The following PDE4D variants were observed in gnomAD, a reference collection of about 807,000 sequenced individuals.
The protein encoded by PDE4D is 3',5'-cyclic-AMP phosphodiesterase 4D.
PDE4D carries 24 observed loss-of-function variants against 87.4 expected under a neutral mutation model. That is an observed-to-expected ratio of 0.27 (90% CI 0.20 to 0.39). The LOEUF (loss-of-function observed/expected upper bound fraction) is 0.39, where lower values mean the gene tolerates loss of function less well. Among genes scored for constraint, PDE4D ranks in the 10% least tolerant of loss-of-function variants. The pLI, the probability that PDE4D is intolerant of heterozygous loss-of-function variation, is 1.00. For synonymous variants in PDE4D, 384 were observed against 383.2 expected (o/e 1.00, Z -0.02); for missense variants, 714 against 1,041.0 (o/e 0.69, Z 4.32).
At chr5:59,716,944 C>T (rs1444686925) in intron 1 of PDE4D, among the ~76,000 whole-genome samples, 1 of 152,180 alleles carries the variant, frequency 6.6e-6, no homozygotes. Context: ...CTTGTTTTTG[C>T]ATCAGTTTTC....
At chr5:60,217,403 T>C (rs938103736) in intron 1 of PDE4D, among the ~76,000 whole-genome samples, 1 of 152,040 alleles carries the variant, frequency 6.6e-6, no homozygotes, top group East Asian at 1.9e-4. Flanking sequence ...ATGGCCAAGA[T>C]GGTAAATTTT....
At chr5:59,301,679 G>C (rs909654079) in intron 1 of PDE4D, among the ~76,000 whole-genome samples, 1 of 151,998 alleles carries the variant, frequency 6.6e-6, no homozygotes, top group South Asian at 2.1e-4. Context: ...AGGGAAAGTG[G>C]GGGAGAGAGA....
chr5:59,949,430 C>T (rs573049778), intron 3 of PDE4D, among the ~76,000 whole-genome samples: 3 of 115,978 alleles, frequency 2.6e-5, no homozygotes, highest in East Asian at 4.5e-4. Context: ...AAGACTCCGT[C>T]TCACAAAAAA....
At chr5:60,086,100 CCA>C (rs1300837988) in intron 2 of PDE4D, among the ~76,000 whole-genome samples, 2 of 152,100 alleles carry the variant, frequency 1.3e-5, no homozygotes, top group African/African-American at 4.8e-5. Context: ...GCCAAAAATA[CCA>C]CACACTGAAT....
chr5:60,449,697 C>T (rs946818672), intron 1 of PDE4D, among the ~76,000 whole-genome samples: 19 of 150,140 alleles, frequency 1.3e-4, no homozygotes, highest in Non-Finnish European at 2.7e-4. Context: ...TAGGGATAAG[C>T]TCTTGCTATA....
At chr5:59,310,430 C>T (rs1772349001) in intron 1 of PDE4D, among the ~76,000 whole-genome samples, 1 of 152,314 alleles carries the variant, frequency 6.6e-6, no homozygotes, top group African/African-American at 2.4e-5. Flanking sequence ...TCCTGCTACA[C>T]ATTGAGACCA....
intron 5 of PDE4D, among the ~76,000 whole-genome samples, chr5:59,105,922 G>T (rs1227170311): frequency 1.3e-5 from 2 of 152,144 alleles, no homozygotes; most frequent in African/African-American, 4.8e-5. Context: ...GTAATACCTA[G>T]AAATAAAATG....
At chr5:59,277,939 C>T (rs187330463) in intron 1 of PDE4D, among the ~76,000 whole-genome samples, 1 of 152,182 alleles carries the variant, frequency 6.6e-6, no homozygotes, top group Non-Finnish European at 1.5e-5. Context: ...ACTAAGAAAT[C>T]GTCCCTCTCC....
At chr5:60,251,134 G>A (rs757109330) in intron 1 of PDE4D, among the ~76,000 whole-genome samples, 6 of 152,048 alleles carry the variant, frequency 3.9e-5, no homozygotes, top group East Asian at 1.9e-4. Flanking sequence ...GGTGCTTTAC[G>A]TTTTAAGTAG....
At chr5:59,614,833 ATT>A (rs769908305) in intron 1 of PDE4D, among the ~76,000 whole-genome samples, 40 of 139,832 alleles carry the variant, frequency 2.9e-4, no homozygotes, top group Non-Finnish European at 3.3e-4. Context: ...TGTGGCTTTC[ATT>A]TTTTTTTTTT....
At chr5:60,427,782 G>T (rs1435644137) in intron 1 of PDE4D, among the ~76,000 whole-genome samples, 5 of 152,142 alleles carry the variant, frequency 3.3e-5, no homozygotes, top group Non-Finnish European at 7.3e-5. Flanking sequence ...ACAAAGAAAG[G>T]GAGATGAGGC....
At chr5:59,026,994 C>T (rs1197347593) in intron 6 of PDE4D, among the ~76,000 whole-genome samples, 2 of 152,084 alleles carry the variant, frequency 1.3e-5, no homozygotes, top group East Asian at 1.9e-4. Context: ...TTAGTTTTCA[C>T]GTAATTTCCT....
chr5:60,436,586 C>T (rs191654782), intron 1 of PDE4D, among the ~76,000 whole-genome samples: 1 of 152,170 alleles, frequency 6.6e-6, no homozygotes, highest in African/African-American at 2.4e-5. Context: ...GCTTGAGCTT[C>T]AAACAGAAAA....
chr5:59,764,946 C>A (rs980924863), intron 1 of PDE4D, among the ~76,000 whole-genome samples: 1 of 152,054 alleles, frequency 6.6e-6, no homozygotes, highest in Non-Finnish European at 1.5e-5. Context: ...CATGAGCCAC[C>A]ATGCTTAGCC....
At chr5:60,438,628 G>A (rs888024226) in intron 1 of PDE4D, among the ~76,000 whole-genome samples, 2 of 151,910 alleles carry the variant, frequency 1.3e-5, no homozygotes, top group Admixed American at 6.6e-5. Context: ...AAATTAGGAC[G>A]TCTATTCAGG....
At chr5:59,151,795 T>A (rs1779517426) in intron 5 of PDE4D, among the ~76,000 whole-genome samples, 1 of 151,716 alleles carries the variant, frequency 6.6e-6, no homozygotes, top group Non-Finnish European at 1.5e-5. Context: ...GGGAGCATGA[T>A]GAAGGAAGAA....
chr5:59,371,052 G>GT (rs1193854192), intron 1 of PDE4D, among the ~76,000 whole-genome samples: 1 of 152,078 alleles, frequency 6.6e-6, no homozygotes, highest in East Asian at 1.9e-4. Context: ...TTTTTGTTTT[G>GT]TTTTTGCTCA....
At chr5:60,038,320 T>C (rs1363017920) in intron 2 of PDE4D, among the ~76,000 whole-genome samples, 1 of 152,172 alleles carries the variant, frequency 6.6e-6, no homozygotes. Context: ...AAGGAAGGGA[T>C]CCAGTTTCAG....
intron 1 of PDE4D, chr5:59,587,000 C>T (rs1825246901): frequency 2.0e-6 from 2 of 985,420 alleles, no homozygotes; most frequent in Non-Finnish European, 2.4e-6. Context: ...AACTTCTTTC[C>T]CAGATTTCAG....
Sources: gnomAD v4.1 joint callset for allele counts (sites outside exome capture counted in the v4.1 genomes callset) on GRCh38, gnomAD v4.1.1 for gene constraint, MANE v1.5 for transcripts, NCBI Gene and HGNC (gene_info 2026-07-23, HGNC 2026-07-21) for gene names.